The following FAM234A variants were observed in gnomAD, a reference collection of about 807,000 sequenced individuals.
The protein encoded by FAM234A is protein FAM234A.
Under a neutral mutation model 49.1 loss-of-function variants are expected in FAM234A, and 42 were observed. That is an observed-to-expected ratio of 0.86 (90% confidence interval 0.67 to 1.11). The LOEUF (loss-of-function observed/expected upper bound fraction) is 1.11. Among genes scored for constraint, FAM234A ranks in the 50% least tolerant of loss-of-function variants. The pLI is 0.00. For missense variants in FAM234A, 815 were observed against 745.2 expected (o/e 1.09, Z -1.09); for synonymous variants, 369 against 316.2 (o/e 1.17, Z -1.77).
At chr16:268,364 T>G, downstream of FAM234A, 2 of 254,718 alleles carry the variant, frequency 7.9e-6, no homozygotes, top group Non-Finnish European at 1.6e-5. Flanking sequence ...CTGTTGGGAG[T>G]GACTGGATGT....
At position 265,476 on chromosome 16, in the gene FAM234A, T is replaced by A; in HGVS notation, c.*454T>A. ...CCCACCCCATCCTGTAGAAGTCCAT[T>A]CCCCTTTTCCCTCCTGTGCTCTGTC... On this transcript the variant is annotated 3_prime_UTR_variant, in exon 13 of 13. Transcript: ENST00000399932. The A allele has an allele frequency of 1.0e-6, 1 of 993,202 alleles. No individual in the cohort carries two copies. Among genetic ancestry groups the A allele is most frequent in the East Asian group, 1.1e-4 (1 of 9,054 alleles). 61.5% of individuals were successfully genotyped at this position (993,202 alleles called of 1,614,324 possible).
chr16:266,612 G>A (rs191848476), downstream of FAM234A, among the ~76,000 whole-genome samples: 82 of 152,304 alleles, frequency 5.4e-4, no homozygotes, highest in African/African-American at 1.9e-3. Context: ...GAAAAGCCCC[G>A]CTTCAGAGCC....
At position 265,933 on chromosome 16, in the gene FAM234A, C is replaced by G; in HGVS notation, c.*911C>G. 2 of 986,208 alleles carry G rather than the reference C, an allele frequency of 2.0e-6. No individual in the cohort carries two copies. The highest frequency in any genetic ancestry group is 2.4e-6 in the Non-Finnish European group (2 of 830,242). 61.1% of individuals were successfully genotyped at this position (986,208 alleles called of 1,614,324 possible). On this transcript the variant is annotated 3_prime_UTR_variant, in exon 13 of 13. Transcript: ENST00000399932. ...CCACGCCGTGCCACCCGATGCAGGA[C>G]TCACCTCTGTGCCTTGCTGCTCCTG...
rs755042726 is a variant in FAM234A at position 263,368 on chromosome 16, C to T, written c.1078C>T (p.Pro360Ser). 2.5e-6 allele frequency: 4 copies of T among 1,611,974 alleles called. 1 individual carries two copies. In the South Asian group the frequency reaches 4.4e-5, roughly 18 times the overall value. The change falls in exon 9 of 13, where the codon CCT (proline) becomes TCT (serine). Residue 360 changes from proline to serine, a missense_variant. Transcript: ENST00000399932. ...FVLLDGQELT[P>S]RWTPKAAHVL... ...GCTGCTGGACGGGCAGGAGCTGACG[C>T]CTCGCTGGACACCCAAGGCAGCCCA...
At chr16:258,479 A>C (rs964847122) in intron 3 of FAM234A, among the ~76,000 whole-genome samples, 13 of 149,332 alleles carry the variant, frequency 8.7e-5, no homozygotes, top group African/African-American at 3.3e-4. Context: ...GGGTAAGGTC[A>C]CCGATCAACA....
Position 259,967 on chromosome 16 carries a change from A to G in FAM234A, c.386-2A>G, listed in dbSNP as rs2051392349. On this transcript the variant is annotated splice_acceptor_variant, in intron 4 of 12. Coordinates refer to ENST00000399932, the MANE Select transcript of FAM234A (RefSeq NM_032039.4). LOFTEE classifies it high-confidence loss of function. ...GTGAGGTGCCGGTGTCTCTCCCTACAGGCTTTTCCTCTCCCTGCACCTTTG... is the reference window on the plus strand; with the variant it reads ...GTGAGGTGCCGGTGTCTCTCCCTACGGGCTTTTCCTCTCCCTGCACCTTTG... 1 of 1,612,318 alleles carries G rather than the reference A, an allele frequency of 6.2e-7. No homozygotes were observed. Among genetic ancestry groups the G allele is most frequent in the East Asian group, 2.2e-5 (1 of 44,860 alleles).
Position 263,713 on chromosome 16 carries a change from G to A in FAM234A, c.1126G>A (p.Gly376Ser), listed in dbSNP as rs765536317. 13 of 1,613,856 alleles carry A rather than the reference G, an allele frequency of 8.1e-6. No individual in the cohort carries two copies. The South Asian group carries it at 1.2e-4, about 15-fold the overall frequency. Residue 376 changes from glycine (G) to serine (S), a missense_variant, in exon 10 of 13, where the codon GGC becomes AGC. Physicochemically the swap from Gly to Ser is moderately conservative, Grantham distance 56 (BLOSUM62 0). Coordinates refer to ENST00000399932, the MANE Select transcript of FAM234A (RefSeq NM_032039.4). ...ATATTGTTCCAGAAAACCCATCTTCGGCCGCTACAAACCAGACACCTTGGC... is the reference window on the plus strand; with the variant it reads ...ATATTGTTCCAGAAAACCCATCTTCAGCCGCTACAAACCAGACACCTTGGC... ...AAHVLRKPIF[G>S]RYKPDTLAVA...
chr16:263,799 T>G, intron 10 of FAM234A, 24 bp downstream of exon 10: 1 of 1,586,064 alleles, frequency 6.3e-7, no homozygotes, highest in Non-Finnish European at 8.7e-7. Context: ...CCTTCGGAGG[T>G]GGCACCTTTG....
At chr16:242,442 G>C (rs2050650074) in intron 1 of FAM234A, among the ~76,000 whole-genome samples, 1 of 152,068 alleles carries the variant, frequency 6.6e-6, no homozygotes, top group South Asian at 2.1e-4. Flanking sequence ...TTGAACTCCT[G>C]TCCTCCAGTG....
chr16:266,127 G>C, downstream of FAM234A: 1 of 975,772 alleles, frequency 1.0e-6, no homozygotes, highest in Non-Finnish European at 1.2e-6. Context: ...CCTAGCGTGT[G>C]TGCGTCTGCC....
chr16:263,606 G>A, intron 9 of FAM234A, 94 bp from the exon 10 acceptor site: 1 of 1,278,650 alleles, frequency 7.8e-7, no homozygotes. Flanking sequence ...ATGTGGCCAT[G>A]GGAGACTGAG....
downstream of FAM234A, chr16:269,449 C>T (rs1430983218): frequency 4.4e-6 from 7 of 1,592,748 alleles, no homozygotes; most frequent in South Asian, 4.4e-5. Flanking sequence ...CACTGCAGGG[C>T]CCCAGCAGCC....
intron 6 of FAM234A, 31 bp from the exon 7 acceptor site, chr16:262,062 T>C: frequency 1.2e-6 from 2 of 1,605,850 alleles, no homozygotes; most frequent in East Asian, 2.2e-5. Flanking sequence ...CTCAGGTCCC[T>C]CTCTTCCTGT....
intron 2 of FAM234A, among the ~76,000 whole-genome samples, chr16:250,812 G>A (rs932682429): frequency 6.7e-5 from 10 of 150,120 alleles, no homozygotes; most frequent in Non-Finnish European, 1.2e-4. Context: ...GGGGACCTTC[G>A]TGTCCTAGTC....
chr16:263,812 C>G, intron 10 of FAM234A, 37 bp downstream of exon 10: 3 of 1,549,648 alleles, frequency 1.9e-6, no homozygotes, highest in Non-Finnish European at 2.7e-6. Flanking sequence ...CACCTTTGTT[C>G]TTAGCTGAGG....
rs1430723792 is a variant in FAM234A at position 265,213 on chromosome 16, C to G, written c.*191C>G. 1 of 1,403,666 alleles carries G rather than the reference C, an allele frequency of 7.1e-7. No homozygotes were observed. Among genetic ancestry groups the G allele is most frequent in the East Asian group, 2.6e-5 (1 of 38,618 alleles). The allele number at this position is 1,403,666 out of a possible 1,614,324, so 87.0% of individuals were successfully genotyped here. On this transcript the variant is annotated 3_prime_UTR_variant, in exon 13 of 13. Transcript: ENST00000399932. ...GGACCTGCATGGGTGAGGGGACACC[C>G]TGGGCCTCTCTCCCGCCCAGCATCC...
At chr16:259,906 GGGGC>G in intron 4 of FAM234A, 59 bp from the exon 5 acceptor site, 5 of 1,457,364 alleles carry the variant, frequency 3.4e-6, no homozygotes, top group Non-Finnish European at 4.7e-6. Flanking sequence ...AGCACATGCT[GGGGC>G]TGGCCGGCCT....
rs537914832 is a variant in FAM234A, at chr16:244,229, A to G, written c.-139-5320A>G. Among the ~76,000 whole-genome samples, 590 of 152,248 alleles carry G rather than the reference A, an allele frequency of 3.9e-3. 1 individual carries two copies. Among genetic ancestry groups the G allele is most frequent in the Non-Finnish European group, 5.1e-3 (349 of 68,018 alleles). On this transcript the variant is annotated intron_variant, in intron 1 of 12. Transcript: ENST00000399932. ...GTGATCCACCCGCCTTGGCCTCCCA[A>G]AGTGCTGGGATTACAGGCGTGAGCC...
At chr16:237,278 C>G (rs1285465102) in intron 1 of FAM234A, among the ~76,000 whole-genome samples, 1 of 152,014 alleles carries the variant, frequency 6.6e-6, no homozygotes, top group Non-Finnish European at 1.5e-5. Flanking sequence ...TGTAACAACA[C>G]AAAGTTTAAT....
Sources: gnomAD v4.1 joint callset for allele counts (sites outside exome capture counted in the v4.1 genomes callset) on GRCh38, gnomAD v4.1.1 for gene constraint, MANE v1.5 for transcripts, NCBI Gene and HGNC (gene_info 2026-07-23, HGNC 2026-07-21) for gene names.